Variants in TTC39B observed in about 807,000 individuals in gnomAD.
The protein encoded by TTC39B is tetratricopeptide repeat protein 39B.
Under a neutral mutation model 96.6 loss-of-function variants are expected in TTC39B, and 92 were observed. The ratio of observed to expected loss-of-function variants is 0.95; its 90% CI spans 0.80 to 1.13. The LOEUF (loss-of-function observed/expected upper bound fraction) is 1.13. Among genes scored for constraint, TTC39B ranks in the 50% most tolerant of loss-of-function variants. The pLI is 0.00. For synonymous variants in TTC39B, 367 were observed against 299.4 expected, an observed-to-expected ratio of 1.23 and a Z score of -2.33; for missense variants, 955 against 809.3, an observed-to-expected ratio of 1.18 and a Z score of -2.18.
intron 17 of TTC39B, among the ~76,000 whole-genome samples, chr9:15,180,896 G>C (rs1204125704): frequency 6.6e-6 from 1 of 152,148 alleles, no homozygotes; most frequent in Non-Finnish European, 1.5e-5. Context: ...CCCAGAGAGA[G>C]GACACACAAA....
At chr9:15,194,575 T>C (rs1819045099) in intron 8 of TTC39B, among the ~76,000 whole-genome samples, 1 of 152,206 alleles carries the variant, frequency 6.6e-6, no homozygotes, top group Non-Finnish European at 1.5e-5. Context: ...GGATACTGCA[T>C]TTTTTACAAA....
intron 6 of TTC39B, among the ~76,000 whole-genome samples, chr9:15,206,737 T>C (rs920508214): frequency 6.6e-6 from 1 of 151,030 alleles, no homozygotes; most frequent in African/African-American, 2.5e-5. Flanking sequence ...TAGTCACAAG[T>C]TTATTAGTTT....
intron 8 of TTC39B, among the ~76,000 whole-genome samples, chr9:15,198,989 G>C (rs984073352): frequency 6.6e-6 from 1 of 152,178 alleles, no homozygotes; most frequent in African/African-American, 2.4e-5. Flanking sequence ...TCATTAGGAA[G>C]ACAGAAGAAT....
chr9:15,235,048 AAAAAC>A (rs140204726), intron 2 of TTC39B, among the ~76,000 whole-genome samples: 28 of 151,136 alleles, frequency 1.9e-4, no homozygotes, highest in Non-Finnish European at 2.1e-4. Context: ...TAAATAAAAC[AAAAAC>A]AAAACAAAAC....
At chr9:15,256,959 C>G (rs1822773154) in intron 2 of TTC39B, among the ~76,000 whole-genome samples, 1 of 152,144 alleles carries the variant, frequency 6.6e-6, no homozygotes, top group Non-Finnish European at 1.5e-5. Flanking sequence ...GCAGTGACAT[C>G]ATCCCATTTA....
chr9:15,212,191 C>A (rs1820239905), intron 4 of TTC39B, among the ~76,000 whole-genome samples: 1 of 152,096 alleles, frequency 6.6e-6, no homozygotes, highest in African/African-American at 2.4e-5. Context: ...CCATGCAAAA[C>A]AAATGCAAGC....
intron 2 of TTC39B, among the ~76,000 whole-genome samples, chr9:15,256,031 C>T (rs186859115): frequency 1.3e-3 from 196 of 152,150 alleles, no homozygotes; most frequent in African/African-American, 4.6e-3. Context: ...ATGTTTGTGT[C>T]CCTCCAAAAT....
chr9:15,211,215 C>A (rs904592575), intron 5 of TTC39B, 51 bp downstream of exon 5: 3 of 1,386,890 alleles, frequency 2.2e-6, no homozygotes, highest in East Asian at 2.8e-5. Context: ...TTTTGTCACA[C>A]AGGCATAAAA....
At chr9:15,231,255 C>A (rs138713250) in intron 2 of TTC39B, among the ~76,000 whole-genome samples, 7 of 152,174 alleles carry the variant, frequency 4.6e-5, no homozygotes, top group African/African-American at 1.4e-4. Context: ...TCAAGCAATC[C>A]TCCTACCCCA....
At chr9:15,288,775 C>A (rs1474114986) in intron 1 of TTC39B, among the ~76,000 whole-genome samples, 2 of 152,248 alleles carry the variant, frequency 1.3e-5, no homozygotes, top group African/African-American at 4.8e-5. Flanking sequence ...CAGACACCCA[C>A]CCCTGGATGC....
chr9:15,229,211 G>C (rs963209077), intron 2 of TTC39B, among the ~76,000 whole-genome samples: 2 of 152,154 alleles, frequency 1.3e-5, no homozygotes, highest in Non-Finnish European at 2.9e-5. Flanking sequence ...TTTGTGTACA[G>C]TCTGAGCTAC....
chr9:15,179,513 C>T (rs778319171), intron 17 of TTC39B, among the ~76,000 whole-genome samples: 4 of 152,186 alleles, frequency 2.6e-5, no homozygotes, highest in Non-Finnish European at 4.4e-5. Context: ...CAGAAAACCA[C>T]GGGTATCAAT....
intron 7 of TTC39B, among the ~76,000 whole-genome samples, chr9:15,201,320 ATT>A (rs1819526073): frequency 6.6e-6 from 1 of 152,052 alleles, no homozygotes; most frequent in African/African-American, 2.4e-5. Context: ...CTTAATGCCT[ATT>A]TTATACCAGG....
rs868068939 is a variant in TTC39B at position 15,190,465 on chromosome 9, C to T, written c.1105+89G>A. ...GGTTCAACTGATCCTCCCACCTCAGCCTCCCAAGTAGTTGGGATTACAGGT... is the reference window on the plus strand; with the variant it reads ...GGTTCAACTGATCCTCCCACCTCAGTCTCCCAAGTAGTTGGGATTACAGGT... On this transcript the variant is annotated intron_variant, in intron 11 of 19. Transcript: ENST00000512701. The T allele has an allele frequency of 1.4e-5, 16 of 1,154,078 alleles. 1 individual carries two copies. In the Middle Eastern group the frequency reaches 3.0e-3, roughly 218 times the overall value. The allele number at this position is 1,154,078 out of a possible 1,614,324, so 71.5% of individuals were successfully genotyped here.
chr9:15,176,524 G>A (rs759113907), intron 18 of TTC39B, among the ~76,000 whole-genome samples: 2 of 152,166 alleles, frequency 1.3e-5, no homozygotes, highest in African/African-American at 2.4e-5. Context: ...GGATGGAAAG[G>A]CACATGACAC....
chr9:15,296,847 T>C (rs3905247), intron 1 of TTC39B, among the ~76,000 whole-genome samples: 117,227 of 151,974 alleles, frequency 0.77, 45,880 homozygotes, highest in East Asian at 0.91. Flanking sequence ...CTTATGCCTG[T>C]AGTCTCAGCA....
intron 7 of TTC39B, among the ~76,000 whole-genome samples, chr9:15,200,634 T>G (rs1416133861): frequency 6.6e-6 from 1 of 152,226 alleles, no homozygotes; most frequent in Non-Finnish European, 1.5e-5. Context: ...GTTACTCTAA[T>G]AGATGGTACT....
chr9:15,212,165 G>T (rs929127836), intron 4 of TTC39B, among the ~76,000 whole-genome samples: 3 of 152,232 alleles, frequency 2.0e-5, no homozygotes, highest in Admixed American at 1.3e-4. Flanking sequence ...AAATATTAAT[G>T]CATAACAGCC....
intron 1 of TTC39B, among the ~76,000 whole-genome samples, chr9:15,288,963 C>A (rs1392688624): frequency 6.6e-6 from 1 of 152,240 alleles, no homozygotes; most frequent in African/African-American, 2.4e-5. Flanking sequence ...ACTAAATAAG[C>A]AAGTTGTTAG....
Sources: allele counts gnomAD v4.1 joint callset (sites outside exome capture counted in the v4.1 genomes callset), GRCh38; gene constraint gnomAD v4.1.1; transcripts MANE v1.5; gene names NCBI Gene and HGNC (gene_info 2026-07-23, HGNC 2026-07-21).